The following RAD51B variants were observed in gnomAD, a reference collection of about 807,000 sequenced individuals.
RAD51B encodes the protein RAD51 paralog B, also known as DNA repair protein RAD51 homolog 2.
In RAD51B, 38 loss-of-function variants were observed where a neutral mutation model predicts 42.2. The observed-to-expected ratio is 0.90, with a 90% CI of 0.70 to 1.18. RAD51B has a LOEUF of 1.18. RAD51B is among the 50% of genes most tolerant of loss of function. The probability of loss-of-function intolerance (pLI) is 0.00; values close to 1 mark genes in which losing one functional copy is unlikely to be tolerated. For missense variants in RAD51B, 373 were observed against 400.7 expected (o/e 0.93, Z 0.59); for synonymous variants, 154 against 145.2 (o/e 1.06, Z -0.43).
intron 9 of RAD51B, among the ~76,000 whole-genome samples, chr14:68,443,429 G>A (rs2085348219): frequency 6.6e-6 from 1 of 152,162 alleles, no homozygotes; most frequent in African/African-American, 2.4e-5. Context: ...AAGGAACCTG[G>A]GAGTGGTTTT....
intron 7 of RAD51B, among the ~76,000 whole-genome samples, chr14:68,090,820 T>G (rs1483968856): frequency 2.0e-5 from 3 of 151,168 alleles, no homozygotes; most frequent in Non-Finnish European, 4.4e-5. Flanking sequence ...CATTTAGCAT[T>G]AGGTATATCT....
At chr14:68,228,324 AT>A in intron 7 of RAD51B, among the ~76,000 whole-genome samples, 1 of 152,192 alleles carries the variant, frequency 6.6e-6, no homozygotes, top group East Asian at 1.9e-4. Flanking sequence ...TAGTGAAAAT[AT>A]TTATCAGCTT....
intron 7 of RAD51B, among the ~76,000 whole-genome samples, chr14:68,086,252 C>T (rs994178622): frequency 2.6e-5 from 4 of 152,256 alleles, no homozygotes; most frequent in Admixed American, 2.0e-4. Flanking sequence ...CCAAACTCCG[C>T]GTTGTTGGCT....
chr14:68,246,778 A>T (rs1018091686), intron 7 of RAD51B, among the ~76,000 whole-genome samples: 6 of 152,212 alleles, frequency 3.9e-5, no homozygotes, highest in African/African-American at 1.4e-4. Flanking sequence ...TATTACTAAA[A>T]AGAGCAAAGG....
At chr14:68,228,418 C>T (rs1820174179) in intron 7 of RAD51B, among the ~76,000 whole-genome samples, 1 of 152,112 alleles carries the variant, frequency 6.6e-6, no homozygotes, top group South Asian at 2.1e-4. Flanking sequence ...TCATGTACTG[C>T]TTAATCAATG....
chr14:68,483,289 G>A (rs964142699), intron 10 of RAD51B, among the ~76,000 whole-genome samples: 17 of 152,114 alleles, frequency 1.1e-4, no homozygotes, highest in Admixed American at 3.3e-4. Context: ...CCATATTCAC[G>A]CTTGTATATA....
At chr14:68,495,696 GA>G (rs1170732993) in intron 10 of RAD51B, among the ~76,000 whole-genome samples, 3 of 152,160 alleles carry the variant, frequency 2.0e-5, no homozygotes, top group African/African-American at 7.2e-5. Flanking sequence ...CTGCTCAAGG[GA>G]ACCAGGAGAA....
intron 7 of RAD51B, among the ~76,000 whole-genome samples, chr14:68,179,275 G>C (rs561942493): frequency 2.0e-5 from 3 of 152,236 alleles, no homozygotes; most frequent in Non-Finnish European, 4.4e-5. Context: ...TCAGGATGAG[G>C]CTCTGTTGTC....
At chr14:68,437,837 A>G (rs779356622) in intron 9 of RAD51B, among the ~76,000 whole-genome samples, 14 of 152,180 alleles carry the variant, frequency 9.2e-5, no homozygotes, top group Non-Finnish European at 1.8e-4. Context: ...CAAGGAAGTG[A>G]TGGCCAGAGA....
At chr14:68,119,464 C>G (rs2077607586) in intron 7 of RAD51B, among the ~76,000 whole-genome samples, 1 of 111,552 alleles carries the variant, frequency 9.0e-6, no homozygotes, top group South Asian at 3.8e-4. Flanking sequence ...GCTATCCCAC[C>G]CCCCTCCCCC....
chr14:68,348,645 A>ACGCC (rs2082721406), intron 8 of RAD51B, among the ~76,000 whole-genome samples: 1 of 152,118 alleles, frequency 6.6e-6, no homozygotes, highest in African/African-American at 2.4e-5. Context: ...CACGCCTGTA[A>ACGCC]TCCCAGCACT....
At chr14:68,032,034 T>A (rs61136976) in intron 7 of RAD51B, among the ~76,000 whole-genome samples, 41,237 of 151,894 alleles carry the variant, frequency 0.27, 7,270 homozygotes, top group African/African-American at 0.5. Context: ...ACAATCAGGC[T>A]TTGTGTCTGA....
intron 7 of RAD51B, among the ~76,000 whole-genome samples, chr14:68,113,111 A>T (rs1197763001): frequency 6.6e-6 from 1 of 152,076 alleles, no homozygotes; most frequent in Non-Finnish European, 1.5e-5. Flanking sequence ...ATTAATTCTT[A>T]CTAGAATTTA....
At chr14:68,581,855 G>A (rs10145214) in intron 10 of RAD51B, among the ~76,000 whole-genome samples, 78,602 of 151,902 alleles carry the variant, frequency 0.52, 20,384 homozygotes, top group Middle Eastern at 0.57. Flanking sequence ...ATAACACTAC[G>A]CATCTACAAC....
chr14:67,915,180 G>A (rs551141859), intron 7 of RAD51B, among the ~76,000 whole-genome samples: 3 of 152,046 alleles, frequency 2.0e-5, no homozygotes, highest in African/African-American at 7.2e-5. Context: ...TCAGCATCAC[G>A]CAATATACCC....
intron 10 of RAD51B, among the ~76,000 whole-genome samples, chr14:68,516,812 T>G (rs766810038): frequency 3.9e-5 from 6 of 152,264 alleles, no homozygotes; most frequent in Non-Finnish European, 5.9e-5. Flanking sequence ...ATATATTTCT[T>G]GATGAAAACT....
rs572200261 is a variant in RAD51B, at chr14:68,544,986, C to G, written c.1037-49499C>G. 2.9e-4 allele frequency among the ~76,000 whole-genome samples: 44 copies of G among 152,244 alleles called. No individual in the cohort carries two copies. In the Middle Eastern group the frequency reaches 0.024, roughly 82 times the overall value. The stretch of plus-strand genomic sequence containing the variant: ...GAGTTCCAGGGATGGGATGTGGGAG[C>G]AGCAAAGGAGTTAGGTTTCACTTAA... On this transcript the variant is annotated intron_variant, in intron 10 of 10. Coordinates refer to the RAD51B transcript ENST00000487270.
intron 4 of RAD51B, among the ~76,000 whole-genome samples, chr14:67,841,290 ATTTG>A (rs750630885): frequency 6.6e-6 from 1 of 151,906 alleles, no homozygotes; most frequent in South Asian, 2.1e-4. Context: ...TTGCTTGTTG[ATTTG>A]TTTAAGTTCC....
At chr14:68,603,824 C>T (rs980023606) in intron 10 of RAD51B, among the ~76,000 whole-genome samples, 26 of 152,236 alleles carry the variant, frequency 1.7e-4, no homozygotes, top group African/African-American at 4.3e-4. Context: ...GCCCTGCGGC[C>T]GCGCTGGCCC....
Sources: allele counts gnomAD v4.1 joint callset (sites outside exome capture counted in the v4.1 genomes callset), GRCh38; gene constraint gnomAD v4.1.1; transcripts MANE v1.5; gene names NCBI Gene and HGNC (gene_info 2026-07-23, HGNC 2026-07-21).